KATNIP: variants seen among roughly 807,000 people sequenced by gnomAD.
KATNIP encodes the protein katanin interacting protein.
KATNIP carries 126 observed loss-of-function variants against 174.0 expected under a neutral mutation model. The observed-to-expected ratio is 0.72, with a 90% confidence interval of 0.63 to 0.84. The LOEUF is 0.84. KATNIP is among the 40% of genes least tolerant of loss of function. KATNIP has a pLI of 0.00. For synonymous variants in KATNIP, 810 were observed against 835.7 expected (o/e 0.97, Z 0.53); for missense variants, 1,958 against 2,109.7 (o/e 0.93, Z 1.41).
At chr16:27,624,591 G>A (rs1046053847) in intron 3 of KATNIP, among the ~76,000 whole-genome samples, 1 of 152,090 alleles carries the variant, frequency 6.6e-6, no homozygotes, top group African/African-American at 2.4e-5. Flanking sequence ...CAAGGTGGGT[G>A]GATCCACTGA....
At chr16:27,751,083 A>G (rs1462801190) in intron 16 of KATNIP, among the ~76,000 whole-genome samples, 1 of 152,046 alleles carries the variant, frequency 6.6e-6, no homozygotes, top group Non-Finnish European at 1.5e-5. Context: ...GCCTGACCTC[A>G]TTCAGCATCT....
intron 1 of KATNIP, among the ~76,000 whole-genome samples, chr16:27,568,366 C>T (rs1024692334): frequency 3.9e-5 from 6 of 152,204 alleles, no homozygotes; most frequent in Non-Finnish European, 7.3e-5. Flanking sequence ...GATGTCTTCA[C>T]GGCTGATTCC....
intron 2 of KATNIP, among the ~76,000 whole-genome samples, chr16:27,576,706 C>A (rs1465708803): frequency 6.6e-6 from 1 of 152,090 alleles, no homozygotes. Flanking sequence ...TTATAACATG[C>A]CTTTTCCACC....
chr16:27,719,446 C>T (rs1007745322), intron 13 of KATNIP, among the ~76,000 whole-genome samples: 8 of 151,256 alleles, frequency 5.3e-5, no homozygotes, highest in Non-Finnish European at 7.4e-5. Flanking sequence ...CATCTTGGCT[C>T]ACTGCAGCCT....
intron 20 of KATNIP, among the ~76,000 whole-genome samples, chr16:27,768,277 A>G (rs536035827): frequency 2.4e-4 from 36 of 152,172 alleles, no homozygotes; most frequent in Non-Finnish European, 1.3e-4. Context: ...CCTCGGGCAA[A>G]TCACTTAGTC....
At chr16:27,708,963 C>G in intron 13 of KATNIP, 43 bp downstream of exon 13, 1 of 1,470,392 alleles carries the variant, frequency 6.8e-7, no homozygotes, top group Non-Finnish European at 9.4e-7. Context: ...CTGTGTATTC[C>G]CATGCATTTT....
At chr16:27,714,619 G>C (rs2079842580) in intron 13 of KATNIP, among the ~76,000 whole-genome samples, 1 of 151,996 alleles carries the variant, frequency 6.6e-6, no homozygotes, top group African/African-American at 2.4e-5. Flanking sequence ...CTAAAATCAA[G>C]AATGATAGAG....
At chr16:27,599,232 A>G (rs1248508265) in intron 2 of KATNIP, among the ~76,000 whole-genome samples, 2 of 152,148 alleles carry the variant, frequency 1.3e-5, no homozygotes, top group African/African-American at 4.8e-5. Context: ...GTGGACCTTA[A>G]CTGTGCCTCG....
chr16:27,699,546 C>T lies in KATNIP; in HGVS notation c.1126C>T (p.Pro376Ser), dbSNP rs191180145. Reference sequence around the variant, plus strand: ...CACATCCTTCCAGGATGCAGAAGGACCACCAGCAAAACCATGGACCAGTCT... The same window carrying T: ...CACATCCTTCCAGGATGCAGAAGGATCACCAGCAAAACCATGGACCAGTCT... ...PASPLQDAEGPPAKPWTSLLE... is the reference protein window; with the variant it reads ...PASPLQDAEGSPAKPWTSLLE... Residue 376 changes from proline to serine, a missense_variant, in exon 10 of 28, where the codon CCA becomes TCA. By Grantham distance (74) the Pro-to-Ser change is moderately conservative. Coordinates refer to ENST00000261588, the MANE Select transcript of KATNIP (RefSeq NM_015202.5). 6.2e-7 allele frequency: 1 copy of T among 1,614,154 alleles called. No homozygotes were observed. The highest frequency in any genetic ancestry group is 2.2e-5 in the East Asian group (1 of 44,888).
intron 2 of KATNIP, among the ~76,000 whole-genome samples, chr16:27,615,757 G>A (rs554621847): frequency 6.6e-5 from 10 of 152,262 alleles, no homozygotes; most frequent in Admixed American, 1.3e-4. Context: ...GATTCCCATG[G>A]CTCAGAGCAA....
rs550754042 is a variant in KATNIP at position 27,700,159 on chromosome 16, G to A, written c.1179+560G>A. ...ACTCCTGACCTCAAGTGATCCACCC[G>A]CCTCAGCCTCCCAAAGTGCTGGGAT... On this transcript the variant is annotated intron_variant, in intron 10 of 27. Transcript: ENST00000261588. Among the ~76,000 whole-genome samples, 395 of 151,886 alleles carry A rather than the reference G, an allele frequency of 2.6e-3. 2 individuals are homozygous for A. The highest frequency in any genetic ancestry group is 8.9e-3 in the African/African-American group (369 of 41,402).
At chr16:27,650,259 G>A (rs1188614361) in intron 6 of KATNIP, among the ~76,000 whole-genome samples, 1 of 152,038 alleles carries the variant, frequency 6.6e-6, no homozygotes, top group Non-Finnish European at 1.5e-5. Context: ...CATGAGGCCA[G>A]GCTTGTTCAA....
chr16:27,754,176 C>A lies in KATNIP; in HGVS notation c.3556C>A (p.Pro1186Thr). Reference protein sequence around the residue: ...QAGLGADERIPELELPSSSPV... With the variant: ...QAGLGADERITELELPSSSPV... ...TGCTTCTCCAACCCATGTGCAGATC[C>A]CGGAGCTAGAGCTCCCATCCAGTTC... Residue 1186 changes from proline to threonine, a missense_variant, in exon 18 of 28, where the codon CCG becomes ACG. Transcript: ENST00000261588. 6.2e-7 allele frequency: 1 copy of A among 1,613,538 alleles called. No homozygotes were observed. Among genetic ancestry groups the A allele is most frequent in the Non-Finnish European group, 8.5e-7 (1 of 1,179,614 alleles).
chr16:27,758,639 G>T (rs947371363), intron 18 of KATNIP, among the ~76,000 whole-genome samples: 3 of 152,078 alleles, frequency 2.0e-5, no homozygotes, highest in Non-Finnish European at 4.4e-5. Flanking sequence ...TGGCCGCTTG[G>T]TTCCACCTAT....
At chr16:27,578,564 A>G (rs879412407) in intron 2 of KATNIP, among the ~76,000 whole-genome samples, 2 of 152,066 alleles carry the variant, frequency 1.3e-5, no homozygotes, top group Non-Finnish European at 2.9e-5. Flanking sequence ...GAACGGAGGC[A>G]TTGGAAAGGT....
Position 27,740,441 on chromosome 16 carries a change from C to T in KATNIP, c.2144C>T (p.Pro715Leu). 6.2e-7 allele frequency: 1 copy of T among 1,614,086 alleles called. No individual in the cohort carries two copies. Among genetic ancestry groups the T allele is most frequent in the East Asian group, 2.2e-5 (1 of 44,892 alleles). The change falls in exon 15 of 28, where the codon CCT becomes CTT. Residue 715 changes from proline to leucine, a missense_variant. By Grantham distance (98) the Pro-to-Leu change is moderately conservative (BLOSUM62 -3). Coordinates refer to ENST00000261588, the MANE Select transcript of KATNIP (RefSeq NM_015202.5). ...TCGATGGGTGACATGCCCAGTGCTC[C>T]TGCCACTTCCCCACCTGTGAAGTGC... ...PTSMGDMPSA[P>L]ATSPPVKCPP...
intron 6 of KATNIP, among the ~76,000 whole-genome samples, chr16:27,655,490 T>C (rs1283429562): frequency 2.0e-5 from 3 of 151,726 alleles, no homozygotes; most frequent in Non-Finnish European, 4.4e-5. Flanking sequence ...GCTCAAGTGA[T>C]CCTCCTGCCT....
At chr16:27,737,229 T>C (rs985376976) in intron 14 of KATNIP, among the ~76,000 whole-genome samples, 3 of 152,042 alleles carry the variant, frequency 2.0e-5, no homozygotes, top group Admixed American at 2.0e-4. Context: ...AAAAATTTAT[T>C]TTAATTAGCT....
chr16:27,570,674 G>A (rs760955127), intron 1 of KATNIP, among the ~76,000 whole-genome samples: 3 of 152,142 alleles, frequency 2.0e-5, no homozygotes, highest in Non-Finnish European at 4.4e-5. Context: ...GCCATCTTGG[G>A]TCCCAGTCTA....
Sources: allele counts gnomAD v4.1 joint callset (sites outside exome capture counted in the v4.1 genomes callset), GRCh38; gene constraint gnomAD v4.1.1; transcripts MANE v1.5; gene names NCBI Gene and HGNC (gene_info 2026-07-23, HGNC 2026-07-21).